The following DGKB variants were observed in gnomAD, a reference collection of about 807,000 sequenced individuals.
DGKB encodes the protein diacylglycerol kinase beta, also known as 90 kDa diacylglycerol kinase.
DGKB carries 67 observed loss-of-function variants against 114.3 expected under a neutral mutation model. The observed-to-expected ratio is 0.59, with a 90% CI of 0.48 to 0.72. DGKB has a LOEUF of 0.72. Among genes scored for constraint, DGKB ranks in the 30% least tolerant of loss-of-function variants. The probability of loss-of-function intolerance (pLI) is 0.00; values close to 1 mark genes in which losing one functional copy is unlikely to be tolerated. For missense variants in DGKB, 907 were observed against 975.2 expected, an observed-to-expected ratio of 0.93 and a Z score of 0.93; for synonymous variants, 398 against 323.1, an observed-to-expected ratio of 1.23 and a Z score of -2.49.
chr7:14,567,239 TTA>T (rs1382649214), intron 20 of DGKB, among the ~76,000 whole-genome samples: 5 of 51,892 alleles, frequency 9.6e-5, no homozygotes, highest in South Asian at 4.5e-4. Flanking sequence ...TATAATTATA[TTA>T]TATATATTAT....
At chr7:14,728,665 C>T (rs1564030478) in intron 5 of DGKB, among the ~76,000 whole-genome samples, 1 of 151,540 alleles carries the variant, frequency 6.6e-6, no homozygotes, top group African/African-American at 2.4e-5. Flanking sequence ...CCCACATTCC[C>T]AGTCATCTTC....
intron 23 of DGKB, among the ~76,000 whole-genome samples, chr7:14,323,279 G>C (rs1313216820): frequency 2.6e-5 from 4 of 152,118 alleles, no homozygotes; most frequent in African/African-American, 9.7e-5. Flanking sequence ...ATATTGAGTA[G>C]GGCAAGTGAA....
At chr7:14,650,160 C>T (rs1336080603) in intron 13 of DGKB, among the ~76,000 whole-genome samples, 4 of 138,748 alleles carry the variant, frequency 2.9e-5, no homozygotes, top group Admixed American at 7.3e-5. Context: ...TAGACATCTA[C>T]AGAACTCTCC....
chr7:14,225,355 T>A (rs1462889118), intron 23 of DGKB, among the ~76,000 whole-genome samples: 1 of 152,084 alleles, frequency 6.6e-6, no homozygotes, highest in Admixed American at 6.6e-5. Context: ...TATTTATTTA[T>A]TTATTCATTA....
chr7:14,628,380 G>C (rs563565263), intron 14 of DGKB, among the ~76,000 whole-genome samples: 3 of 151,634 alleles, frequency 2.0e-5, no homozygotes, highest in African/African-American at 7.2e-5. Flanking sequence ...TGCAAGCTTT[G>C]GGTATTAATA....
intron 17 of DGKB, among the ~76,000 whole-genome samples, chr7:14,606,115 C>T (rs1176463523): frequency 6.6e-6 from 1 of 152,062 alleles, no homozygotes; most frequent in Non-Finnish European, 1.5e-5. Flanking sequence ...AGAAGAGCTA[C>T]TTTTTTGAAG....
intron 2 of DGKB, among the ~76,000 whole-genome samples, chr7:14,809,036 C>T (rs1157022894): frequency 6.6e-6 from 1 of 152,050 alleles, no homozygotes; most frequent in Non-Finnish European, 1.5e-5. Flanking sequence ...TTAAAGAGAA[C>T]TCTAGAAACA....
At chr7:14,526,168 G>C (rs1790609953) in intron 20 of DGKB, among the ~76,000 whole-genome samples, 2 of 151,998 alleles carry the variant, frequency 1.3e-5, no homozygotes, top group African/African-American at 4.8e-5. Flanking sequence ...ATACTATCAA[G>C]GTCAATTCAG....
chr7:14,188,970 T>G (rs1295662525), intron 23 of DGKB, among the ~76,000 whole-genome samples: 1 of 151,996 alleles, frequency 6.6e-6, no homozygotes, highest in African/African-American at 2.4e-5. Context: ...AAATAAAAAT[T>G]TTTGCAGATA....
chr7:14,221,905 G>A (rs1020111506), intron 23 of DGKB, among the ~76,000 whole-genome samples: 1 of 151,210 alleles, frequency 6.6e-6, no homozygotes, highest in Non-Finnish European at 1.5e-5. Context: ...CTTTCTAAGA[G>A]TATGTTCATT....
At chr7:14,901,834 C>T (rs1011955035) in intron 1 of DGKB, among the ~76,000 whole-genome samples, 10 of 152,072 alleles carry the variant, frequency 6.6e-5, no homozygotes, top group Non-Finnish European at 1.5e-4. Context: ...TTTGAGCAAC[C>T]AGTTGAAGTT....
chr7:14,290,859 T>C (rs936523806), intron 23 of DGKB, among the ~76,000 whole-genome samples: 3 of 152,014 alleles, frequency 2.0e-5, no homozygotes, highest in African/African-American at 7.2e-5. Flanking sequence ...GTAGAGAATG[T>C]TGGCCAGGCA....
intron 23 of DGKB, among the ~76,000 whole-genome samples, chr7:14,208,087 T>A (rs1787127252): frequency 6.6e-6 from 1 of 152,022 alleles, no homozygotes; most frequent in Non-Finnish European, 1.5e-5. Flanking sequence ...CTCCTTAAGT[T>A]ATTAATTGTG....
chr7:14,675,272 G>T (rs1215701962), intron 12 of DGKB, among the ~76,000 whole-genome samples: 3 of 152,088 alleles, frequency 2.0e-5, no homozygotes, highest in Non-Finnish European at 4.4e-5. Context: ...TACAGATGCA[G>T]TCAGAGGCCT....
intron 2 of DGKB, among the ~76,000 whole-genome samples, chr7:14,840,590 C>T (rs1847788868): frequency 1.3e-5 from 2 of 152,212 alleles, no homozygotes; most frequent in Admixed American, 6.5e-5. Context: ...AATGCACACA[C>T]TAAAAGAGTT....
At chr7:14,277,344 T>C (rs1292496325) in intron 23 of DGKB, among the ~76,000 whole-genome samples, 1 of 151,952 alleles carries the variant, frequency 6.6e-6, no homozygotes, top group Non-Finnish European at 1.5e-5. Context: ...GTAATTTTTT[T>C]TTCTTTTTTT....
At chr7:14,770,989 A>T (rs73682547) in intron 2 of DGKB, among the ~76,000 whole-genome samples, 3,051 of 152,118 alleles carry the variant, frequency 0.02, 81 homozygotes, top group African/African-American at 0.065. Flanking sequence ...TTAGAATTAA[A>T]TAAGTTTTAT....
chr7:14,614,121 A>G (rs1433504622), intron 15 of DGKB, among the ~76,000 whole-genome samples: 3 of 152,182 alleles, frequency 2.0e-5, no homozygotes, highest in Non-Finnish European at 2.9e-5. Context: ...TTGAACAAGA[A>G]AGACAAAGTT....
At chr7:14,756,144 G>C (rs1454873253) in intron 3 of DGKB, among the ~76,000 whole-genome samples, 1 of 151,988 alleles carries the variant, frequency 6.6e-6, no homozygotes, top group Non-Finnish European at 1.5e-5. Flanking sequence ...ACTTAACTGA[G>C]TTTGTAGCCA....
Sources: gnomAD v4.1 joint callset for allele counts (sites outside exome capture counted in the v4.1 genomes callset) on GRCh38, gnomAD v4.1.1 for gene constraint, MANE v1.5 for transcripts, NCBI Gene and HGNC (gene_info 2026-07-23, HGNC 2026-07-21) for gene names.